The following MAGI1 variants were observed in gnomAD, a reference collection of about 807,000 sequenced individuals.
MAGI1 encodes the protein membrane associated guanylate kinase, WW and PDZ domain containing 1, also known as membrane-associated guanylate kinase, WW and PDZ domain-containing protein 1.
MAGI1 carries 58 observed loss-of-function variants against 139.9 expected under a neutral mutation model. The observed-to-expected ratio is 0.41, with a 90% CI of 0.34 to 0.52. The LOEUF (loss-of-function observed/expected upper bound fraction) is 0.52, where lower values mean the gene tolerates loss of function less well. MAGI1 is among the 20% of genes least tolerant of loss of function. MAGI1 has a pLI of 0.12. For missense variants in MAGI1, 1,874 were observed against 1,901.6 expected (o/e 0.99, Z 0.27); for synonymous variants, 812 against 737.9 (o/e 1.10, Z -1.63).
At chr3:65,850,833 G>A (rs1282249962) in intron 1 of MAGI1, among the ~76,000 whole-genome samples, 3 of 152,138 alleles carry the variant, frequency 2.0e-5, no homozygotes, top group East Asian at 3.9e-4. Context: ...CAAGCACGGC[G>A]TGGTGGCTCA....
At chr3:65,886,015 T>C (rs1443629429) in intron 1 of MAGI1, among the ~76,000 whole-genome samples, 2 of 152,168 alleles carry the variant, frequency 1.3e-5, no homozygotes, top group African/African-American at 4.8e-5. Flanking sequence ...ACAGTTTTAT[T>C]TATCTATATT....
At chr3:65,907,510 C>T (rs1223728876) in intron 1 of MAGI1, 1 of 152,148 alleles carries the variant, frequency 6.6e-6, no homozygotes, top group East Asian at 1.9e-4. Context: ...AAAGCTTTGG[C>T]TATGGAAATA....
intron 1 of MAGI1, among the ~76,000 whole-genome samples, chr3:65,730,165 C>G (rs1259853094): frequency 6.6e-6 from 1 of 152,080 alleles, no homozygotes; most frequent in East Asian, 1.9e-4. Context: ...GGTGGTTTAT[C>G]AGTTAGGAAT....
chr3:65,378,683 CTTT>C (rs10557893), intron 17 of MAGI1, among the ~76,000 whole-genome samples: 444 of 140,670 alleles, frequency 3.2e-3, no homozygotes, highest in African/African-American at 0.011. Flanking sequence ...CTTTCCTTTT[CTTT>C]TTTTTTTTTT....
At chr3:65,504,513 G>C (rs1277283495) in intron 2 of MAGI1, among the ~76,000 whole-genome samples, 1 of 152,088 alleles carries the variant, frequency 6.6e-6, no homozygotes, top group Non-Finnish European at 1.5e-5. Context: ...CCAGGTTTTT[G>C]TTACTAGGTG....
chr3:65,618,474 T>A (rs529278741), intron 2 of MAGI1, among the ~76,000 whole-genome samples: 1 of 152,316 alleles, frequency 6.6e-6, no homozygotes, highest in South Asian at 2.1e-4. Flanking sequence ...ATATACTTAT[T>A]TTTAAGGTAT....
rs752423135 is a variant in MAGI1 at position 65,430,741 on chromosome 3, C to T, written c.1504G>A (p.Val502Ile). The change falls in exon 11 of 23, where the codon GTC becomes ATC. Residue 502 changes from valine to isoleucine, a missense_variant. Around this residue, in one of 5 missense-constraint regions of MAGI1, gnomAD observed 86 missense variants for 130.0 expected, o/e 0.66. Transcript: ENST00000402939. ...TCCAATGCAGCAGGACCATCTAGGA[C>T]CAAGCTCTTGATCTGGAGAAACTCA... The part of the protein sequence containing the change: ...PDEFLQIKSL[V>I]LDGPAALDGK... The T allele has an allele frequency of 1.2e-6, 2 of 1,613,630 alleles. No individual in the cohort carries two copies. The highest frequency in any genetic ancestry group is 1.7e-6 in the Non-Finnish European group (2 of 1,179,752).
chr3:65,798,185 T>C (rs1239571852), intron 1 of MAGI1, among the ~76,000 whole-genome samples: 2 of 151,864 alleles, frequency 1.3e-5, no homozygotes, highest in Non-Finnish European at 2.9e-5. Context: ...GTGCCTGTAA[T>C]CCCAGCTACT....
At chr3:65,690,248 C>T (rs538787549) in intron 1 of MAGI1, among the ~76,000 whole-genome samples, 1 of 152,180 alleles carries the variant, frequency 6.6e-6, no homozygotes, top group Non-Finnish European at 1.5e-5. Context: ...CAAATGAATA[C>T]AGAGGAAGAG....
intron 7 of MAGI1, among the ~76,000 whole-genome samples, chr3:65,443,654 C>T (rs1948491792): frequency 6.6e-6 from 1 of 152,064 alleles, no homozygotes; most frequent in Non-Finnish European, 1.5e-5. Context: ...TATTATTTTA[C>T]TTGGTGAAAG....
intron 1 of MAGI1, among the ~76,000 whole-genome samples, chr3:65,664,712 T>C (rs2086401738): frequency 6.6e-6 from 1 of 152,166 alleles, no homozygotes; most frequent in Non-Finnish European, 1.5e-5. Flanking sequence ...CAGTGAAAAA[T>C]TGTAGTTGCC....
intron 2 of MAGI1, among the ~76,000 whole-genome samples, chr3:65,590,611 C>A (rs1230989129): frequency 2.0e-5 from 3 of 152,118 alleles, no homozygotes; most frequent in Non-Finnish European, 4.4e-5. Context: ...TTAGCTGTCC[C>A]CCCCATTCGT....
At chr3:65,986,565 G>T (rs985057595) in intron 1 of MAGI1, among the ~76,000 whole-genome samples, 1 of 152,182 alleles carries the variant, frequency 6.6e-6, no homozygotes, top group Non-Finnish European at 1.5e-5. Flanking sequence ...GGATGCACCC[G>T]ATTTCCTTTT....
chr3:65,596,691 G>C (rs2082219083), intron 2 of MAGI1, among the ~76,000 whole-genome samples: 1 of 152,174 alleles, frequency 6.6e-6, no homozygotes, highest in African/African-American at 2.4e-5. Context: ...CTTAGGAAGA[G>C]GAAGGGAGGC....
chr3:65,784,929 G>A (rs1196156859), intron 1 of MAGI1, among the ~76,000 whole-genome samples: 1 of 152,148 alleles, frequency 6.6e-6, no homozygotes, highest in South Asian at 2.1e-4. Flanking sequence ...GAGATTTGTG[G>A]CTACCTAGGG....
intron 1 of MAGI1, among the ~76,000 whole-genome samples, chr3:65,775,353 G>A (rs1350145920): frequency 6.6e-6 from 1 of 151,344 alleles, no homozygotes; most frequent in Non-Finnish European, 1.5e-5. Context: ...GGAGACTGAG[G>A]CAGGAGTATC....
At chr3:65,594,468 C>T (rs2082096640) in intron 2 of MAGI1, among the ~76,000 whole-genome samples, 1 of 152,252 alleles carries the variant, frequency 6.6e-6, no homozygotes, top group South Asian at 2.1e-4. Flanking sequence ...TATAACACTT[C>T]AAAAGCCTAA....
intron 2 of MAGI1, among the ~76,000 whole-genome samples, chr3:65,560,128 TATC>T (rs1227975783): frequency 6.6e-6 from 1 of 152,232 alleles, no homozygotes. Context: ...AAATATTTAA[TATC>T]TTCCCACTGT....
chr3:65,880,560 CA>C (rs2060283848), intron 1 of MAGI1, among the ~76,000 whole-genome samples: 1 of 152,042 alleles, frequency 6.6e-6, no homozygotes, highest in Non-Finnish European at 1.5e-5. Context: ...GGTCCCAAAA[CA>C]AATATCTTTA....
Sources: gnomAD v4.1 joint callset for allele counts (sites outside exome capture counted in the v4.1 genomes callset) on GRCh38, gnomAD v4.1.1 for gene constraint, gnomAD v4.1.1 regional missense constraint, MANE v1.5 for transcripts, NCBI Gene and HGNC (gene_info 2026-07-23, HGNC 2026-07-21) for gene names.